The following KIF14 variants were observed in gnomAD, a reference collection of about 807,000 sequenced individuals.
KIF14 encodes kinesin family member 14.
KIF14 carries 98 observed loss-of-function variants against 176.2 expected under a neutral mutation model. The ratio of observed to expected loss-of-function variants is 0.56; its 90% CI spans 0.47 to 0.66. The LOEUF is 0.66. KIF14 is among the 30% of genes least tolerant of loss of function. KIF14 has a pLI of 0.00. For missense variants in KIF14, 1,751 were observed against 1,920.4 expected, an observed-to-expected ratio of 0.91 and a Z score of 1.65; for synonymous variants, 566 against 632.2, an observed-to-expected ratio of 0.90 and a Z score of 1.57.
chr1:200,614,451 C>G, intron 3 of KIF14, 46 bp from the exon 4 acceptor site: 1 of 1,172,836 alleles, frequency 8.5e-7, no homozygotes, highest in Non-Finnish European at 1.2e-6. Context: ...CTAATTCTTT[C>G]TTTAAAATTC....
rs772777557 is a variant in KIF14 at position 200,618,626 on chromosome 1, C to T, written c.98G>A (p.Ser33Asn). 1.2e-6 allele frequency: 2 copies of T among 1,614,082 alleles called. No homozygotes were observed. The highest frequency in any genetic ancestry group is 2.2e-5 in the South Asian group (2 of 91,080). Reference sequence around the variant, plus strand: ...CTTCAAATGCAGCTTAAGTCGGCTACTGTGGGTGAGGGCATTCAGTGATGA... The same window carrying T: ...CTTCAAATGCAGCTTAAGTCGGCTATTGTGGGTGAGGGCATTCAGTGATGA... The part of the protein sequence containing the change: ...NSSSLNALTH[S>N]SRLKLHLKSD... Residue 33 changes from serine (S) to asparagine (N), a missense_variant, in exon 2 of 30, where the codon AGT (serine) becomes AAT (asparagine). By Grantham distance (46) the Ser-to-Asn change is conservative. Coordinates refer to ENST00000367350, the MANE Select transcript of KIF14 (RefSeq NM_014875.3).
At chr1:200,619,657 T>C (rs1660591145) in intron 1 of KIF14, among the ~76,000 whole-genome samples, 1 of 152,222 alleles carries the variant, frequency 6.6e-6, no homozygotes, top group South Asian at 2.1e-4. Context: ...GGCCCATGTA[T>C]GTTGAATACA....
chr1:200,613,332 C>T (rs1422785507), intron 4 of KIF14, among the ~76,000 whole-genome samples: 8 of 152,136 alleles, frequency 5.3e-5, no homozygotes, highest in Admixed American at 5.2e-4. Flanking sequence ...ATCCTTCTCC[C>T]CTTCTTTACC....
chr1:200,571,405 T>C (rs1164203675), intron 22 of KIF14, among the ~76,000 whole-genome samples: 1 of 152,110 alleles, frequency 6.6e-6, no homozygotes, highest in African/African-American at 2.4e-5. Flanking sequence ...GTTTGCTTCT[T>C]AAAAATGGAG....
At chr1:200,586,687 G>A (rs1658756297) in intron 18 of KIF14, among the ~76,000 whole-genome samples, 1 of 150,430 alleles carries the variant, frequency 6.6e-6, no homozygotes, top group Admixed American at 6.6e-5. Context: ...GCATGTGTAT[G>A]CTTATCACAG....
intron 22 of KIF14, among the ~76,000 whole-genome samples, chr1:200,570,738 A>ATTTAT (rs1657738381): frequency 6.6e-6 from 1 of 151,924 alleles, no homozygotes; most frequent in South Asian, 2.1e-4. Context: ...CCGAGTTGGG[A>ATTTAT]TTTATTTATT....
At chr1:200,599,460 A>C (rs1431704661) in intron 13 of KIF14, among the ~76,000 whole-genome samples, 2 of 152,158 alleles carry the variant, frequency 1.3e-5, no homozygotes, top group Admixed American at 6.6e-5. Context: ...GCCCATCTCA[A>C]ATGCCACCTC....
intron 21 of KIF14, among the ~76,000 whole-genome samples, chr1:200,577,322 A>AAAAC (rs1331257258): frequency 1.3e-5 from 2 of 150,928 alleles, no homozygotes; most frequent in Non-Finnish European, 3.0e-5. Flanking sequence ...AGACTGTCTC[A>AAAAC]AAACAAACAA....
intron 21 of KIF14, among the ~76,000 whole-genome samples, chr1:200,578,605 G>A: frequency 6.6e-6 from 1 of 151,248 alleles, no homozygotes; most frequent in African/African-American, 2.4e-5. Context: ...AAATGCAGGG[G>A]TTGTACAATG....
intron 23 of KIF14, among the ~76,000 whole-genome samples, chr1:200,566,325 G>A (rs1215046671): frequency 6.6e-6 from 1 of 151,018 alleles, no homozygotes; most frequent in African/African-American, 2.4e-5. Flanking sequence ...AGGCACGGTG[G>A]CTCATGCCTG....
chr1:200,572,465 C>T (rs1442346983), intron 22 of KIF14, among the ~76,000 whole-genome samples: 1 of 152,154 alleles, frequency 6.6e-6, no homozygotes, highest in African/African-American at 2.4e-5. Context: ...CTGCCTCAGC[C>T]TCCCGAGTAG....
intron 16 of KIF14, among the ~76,000 whole-genome samples, chr1:200,591,727 G>A (rs1454685559): frequency 6.6e-6 from 1 of 152,076 alleles, no homozygotes; most frequent in East Asian, 1.9e-4. Flanking sequence ...CTGATAACCG[G>A]TCAGGGCCAG....
At chr1:200,572,016 T>A (rs1314720955) in intron 22 of KIF14, among the ~76,000 whole-genome samples, 1 of 152,208 alleles carries the variant, frequency 6.6e-6, no homozygotes, top group Non-Finnish European at 1.5e-5. Context: ...CATTGCCCAG[T>A]AGAAGTTCTA....
rs551867629 is a variant in KIF14, at chr1:200,609,055, A to G, written c.1456-127T>C. 1.0e-5 allele frequency: 5 copies of G among 490,180 alleles called. No homozygotes were observed. In the East Asian group the frequency reaches 1.3e-4, roughly 13 times the overall value. 30.4% of individuals were successfully genotyped at this position (490,180 alleles called of 1,614,324 possible). On this transcript the variant is annotated intron_variant, in intron 4 of 29. Transcript: ENST00000367350. ...TCCTACAACTCAACAACATAAAGACAAACAGCCCAATTTTAAAATGCACAA... is the reference window on the plus strand; with the variant it reads ...TCCTACAACTCAACAACATAAAGACGAACAGCCCAATTTTAAAATGCACAA...
At chr1:200,581,444 T>G in intron 19 of KIF14, 150 bp from the exon 20 acceptor site, 1 of 414,778 alleles carries the variant, frequency 2.4e-6, no homozygotes, top group Non-Finnish European at 4.3e-6. Flanking sequence ...ATTTGAGTAA[T>G]TTGGTGAAAT....
At position 200,593,726 on chromosome 1, in the gene KIF14, C is replaced by T; in HGVS notation, c.2593G>A (p.Gly865Arg). 6.2e-7 allele frequency: 1 copy of T among 1,612,730 alleles called. No individual in the cohort carries two copies. Among genetic ancestry groups the T allele is most frequent in the Non-Finnish European group, 8.5e-7 (1 of 1,179,146 alleles). The change falls in exon 15 of 30, where the codon GGG (glycine) becomes AGG (arginine). Residue 865 changes from glycine (G) to arginine (R), a missense_variant. Physicochemically the swap from Gly to Arg is moderately radical, Grantham distance 125 (BLOSUM62 -2). Coordinates refer to ENST00000367350, the MANE Select transcript of KIF14 (RefSeq NM_014875.3). ...CCATTTACATATGTCTTTGCTTCCC[C>T]AACTGGGATAATACTCACTGTCCCA... ...FGGTVSIIPVGEAKTYVNGKH... is the reference protein window; with the variant it reads ...FGGTVSIIPVREAKTYVNGKH...
At chr1:200,556,237 T>C (rs1405734793) in intron 27 of KIF14, among the ~76,000 whole-genome samples, 1 of 152,198 alleles carries the variant, frequency 6.6e-6, no homozygotes, top group African/African-American at 2.4e-5. Context: ...GGGGATTCTT[T>C]TTCAGTGTTT....
intron 23 of KIF14, among the ~76,000 whole-genome samples, chr1:200,566,619 G>GTCT (rs1163579437): frequency 6.6e-6 from 1 of 151,024 alleles, no homozygotes; most frequent in Non-Finnish European, 1.5e-5. Flanking sequence ...GACAGACAGG[G>GTCT]TCTTGCTCTG....
At position 200,554,374 on chromosome 1, in the gene KIF14, G is replaced by A. The variant is rs563427428; in HGVS notation, c.4567+94C>T. On this transcript the variant is annotated intron_variant, in intron 29 of 29. Transcript: ENST00000367350. ...CCACTGCACTCCAGCCTGAGTGACA[G>A]AGCGAGACTCCATCTCAAAAAAAAA... 7.6e-5 allele frequency: 63 copies of A among 828,216 alleles called. 1 individual carries two copies. The highest frequency in any genetic ancestry group is 1.1e-4 in the Non-Finnish European group (59 of 532,718). The allele number at this position is 828,216 out of a possible 1,614,324, so 51.3% of individuals were successfully genotyped here. A position where few individuals can be genotyped will look rare whatever the true frequency, so the allele number is the denominator to read the frequency against.
Sources: allele counts gnomAD v4.1 joint callset (sites outside exome capture counted in the v4.1 genomes callset), GRCh38; gene constraint gnomAD v4.1.1; transcripts MANE v1.5; gene names NCBI Gene and HGNC (gene_info 2026-07-23, HGNC 2026-07-21).